CD163L1: variants seen among roughly 807,000 people sequenced by gnomAD.
CD163L1 encodes the protein scavenger receptor cysteine-rich type 1 protein M160.
Under a neutral mutation model 165.4 loss-of-function variants are expected in CD163L1, and 124 were observed. The ratio of observed to expected loss-of-function variants is 0.75; its 90% CI spans 0.65 to 0.87. The LOEUF is 0.87. CD163L1 is among the 40% of genes least tolerant of loss of function. The pLI is 0.00. For missense variants in CD163L1, 1,525 were observed against 1,799.9 expected, an observed-to-expected ratio of 0.85 and a Z score of 2.76; for synonymous variants, 585 against 662.2, an observed-to-expected ratio of 0.88 and a Z score of 1.79.
chr12:7,395,905 T>A (rs1350245144), intron 8 of CD163L1, among the ~76,000 whole-genome samples, 190 bp downstream of exon 8: 1 of 152,252 alleles, frequency 6.6e-6, no homozygotes, highest in Non-Finnish European at 1.5e-5. Context: ...AAAATGAAGT[T>A]TCATTTCTTG....
At position 7,398,459 on chromosome 12, in the gene CD163L1, C is replaced by T. The variant is rs371949687; in HGVS notation, c.1534G>A (p.Val512Ile). 130 of 1,613,950 alleles carry T rather than the reference C, an allele frequency of 8.1e-5. No individual in the cohort carries two copies. Among genetic ancestry groups the T allele is most frequent in the Non-Finnish European group, 1.0e-4 (118 of 1,179,962 alleles). ...HDRWSTRNAAVVCKQLGCGKP... is the reference protein window; with the variant it reads ...HDRWSTRNAAIVCKQLGCGKP... ...CCACATCCCAATTGTTTACAAACAA[C>T]AGCTGCATTCCTTGTGCTCCATCTG... Residue 512 changes from valine (V) to isoleucine (I), a missense_variant, in exon 7 of 20, where the codon GTT (valine) becomes ATT (isoleucine). By Grantham distance (29) the Val-to-Ile change is conservative (BLOSUM62 3). Coordinates refer to ENST00000313599, the MANE Select transcript of CD163L1 (RefSeq NM_174941.6). The surrounding 1 kb of genome is among the most constrained non-coding windows in gnomAD (Gnocchi z 4.5).
At position 7,441,211 on chromosome 12, in the gene CD163L1, A is replaced by G; in HGVS notation, c.67T>C (p.Ser23Pro). The G allele has an allele frequency of 1.2e-6, 2 of 1,614,160 alleles. No homozygotes were observed. The highest frequency in any genetic ancestry group is 1.6e-4 in the Middle Eastern group (1 of 6,062). The change falls in exon 2 of 20, where the codon TCT becomes CCT. Residue 23 changes from serine to proline, a missense_variant. Coordinates refer to ENST00000313599, the MANE Select transcript of CD163L1 (RefSeq NM_174941.6). Reference sequence around the variant, plus strand: ...AGCAGGATGCAAGTTACCACAGCAGAGAAAAGGTTCTGATGACAGCAGCAT... The same window carrying G: ...AGCAGGATGCAAGTTACCACAGCAGGGAAAAGGTTCTGATGACAGCAGCAT... ...GRCCCHQNLF[S>P]AVVTCILLLN...
At chr12:7,416,364 G>C (rs1240969498) in intron 4 of CD163L1, among the ~76,000 whole-genome samples, 1 of 152,132 alleles carries the variant, frequency 6.6e-6, no homozygotes, top group Non-Finnish European at 1.5e-5. Context: ...TCATTTTGTA[G>C]GTTGACTATT....
rs1453564788 is a variant in CD163L1 at position 7,368,836 on chromosome 12, C to G, written c.4072+97G>C. 7.4e-7 allele frequency: 1 copy of G among 1,348,384 alleles called. No homozygotes were observed. Among genetic ancestry groups the G allele is most frequent in the Non-Finnish European group, 1.1e-6 (1 of 942,616 alleles). 83.5% of individuals were successfully genotyped at this position (1,348,384 alleles called of 1,614,324 possible). A position where few individuals can be genotyped will look rare whatever the true frequency, so the allele number is the denominator to read the frequency against. On this transcript the variant is annotated intron_variant, in intron 16 of 19. Coordinates refer to ENST00000313599, the MANE Select transcript of CD163L1 (RefSeq NM_174941.6). The surrounding 1 kb of genome is among the most constrained non-coding windows in gnomAD (Gnocchi z 4.3). ...CCACAGACTCATATTTCTGCAGTCC[C>G]CAGTCTTCTTTGATTATCATAGCAG... is the stretch of plus-strand genomic sequence containing the variant.
intron 8 of CD163L1, among the ~76,000 whole-genome samples, chr12:7,381,838 C>T (rs1947414809): frequency 6.6e-6 from 1 of 151,792 alleles, no homozygotes; most frequent in Admixed American, 6.6e-5. Flanking sequence ...AAACATATTT[C>T]ACTGCTTTGT....
At chr12:7,402,572 T>C (rs1250997810) in intron 6 of CD163L1, among the ~76,000 whole-genome samples, 2 of 152,062 alleles carry the variant, frequency 1.3e-5, no homozygotes, top group African/African-American at 4.8e-5. Flanking sequence ...TCTCTAGATA[T>C]TCCTTTTTTT....
At chr12:7,331,687 C>A in the CD163L1 span, among the ~76,000 whole-genome samples, 1 of 152,234 alleles carries the variant, frequency 6.6e-6, no homozygotes, top group South Asian at 2.1e-4. Context: ...TGGAATGGAC[C>A]TCCAGCAAAT....
chr12:7,415,070 G>T (rs1948210266), intron 4 of CD163L1, among the ~76,000 whole-genome samples: 1 of 152,126 alleles, frequency 6.6e-6, no homozygotes, highest in Admixed American at 6.6e-5. Context: ...TAATGATGAT[G>T]TGTAAACAAC....
intron 17 of CD163L1, chr12:7,367,618 G>A (rs949553677): frequency 1.9e-5 from 5 of 261,504 alleles, no homozygotes; most frequent in African/African-American, 8.8e-5. Context: ...TTAACCTGAT[G>A]AGGTAAGACT....
intron 4 of CD163L1, among the ~76,000 whole-genome samples, chr12:7,423,967 G>A (rs977917650): frequency 6.6e-6 from 1 of 151,966 alleles, no homozygotes; most frequent in Non-Finnish European, 1.5e-5. Flanking sequence ...GACTCCTCCC[G>A]AACTCAATTT....
chr12:7,410,682 T>G (rs1948121538), intron 4 of CD163L1, among the ~76,000 whole-genome samples: 1 of 138,306 alleles, frequency 7.2e-6, no homozygotes, highest in African/African-American at 2.7e-5. Flanking sequence ...ATACAAAAAT[T>G]AGCTGGGCAT....
Position 7,374,772 on chromosome 12 carries a change from C to T in CD163L1, c.3095-16G>A. 1 of 1,613,698 alleles carries T rather than the reference C, an allele frequency of 6.2e-7. No homozygotes were observed. Among genetic ancestry groups the T allele is most frequent in the Non-Finnish European group, 8.5e-7 (1 of 1,179,718 alleles). The stretch of plus-strand genomic sequence containing the variant: ...CGTTTGTCCTCTTAGAGGAGAAAGT[C>T]CAGTTAATAGGTCACATTCTTTAGA... On this transcript the variant is annotated splice_polypyrimidine_tract_variant and intron_variant, in intron 12 of 19. Coordinates refer to ENST00000313599, the MANE Select transcript of CD163L1 (RefSeq NM_174941.6). The surrounding 1 kb of genome is among the most constrained non-coding windows in gnomAD (Gnocchi z 5.4).
At chr12:7,322,285 G>A in the CD163L1 span, 1 of 1,231,338 alleles carries the variant, frequency 8.1e-7, no homozygotes, top group Non-Finnish European at 1.2e-6. Flanking sequence ...TGTTCAACAA[G>A]TATTTGTTGA....
the CD163L1 span, among the ~76,000 whole-genome samples, chr12:7,321,355 T>TATA: frequency 6.6e-6 from 1 of 152,344 alleles, no homozygotes; most frequent in South Asian, 2.1e-4. Flanking sequence ...TTGCAATGTA[T>TATA]ATTTGTTTAA....
At chr12:7,415,201 A>C (rs936469717) in intron 4 of CD163L1, among the ~76,000 whole-genome samples, 7 of 152,144 alleles carry the variant, frequency 4.6e-5, no homozygotes, top group African/African-American at 1.7e-4. Context: ...ATAAAATAAA[A>C]TATAACAGAT....
chr12:7,435,774 A>G (rs1381407184), intron 2 of CD163L1, among the ~76,000 whole-genome samples: 2 of 152,176 alleles, frequency 1.3e-5, no homozygotes, highest in Non-Finnish European at 2.9e-5. Flanking sequence ...TGACAATAGT[A>G]ATGAAAAATC....
In CD163L1 at chr12:7,368,311, T is replaced by C. The variant is rs1359374311; in HGVS notation, c.4073-114A>G. 1.4e-5 allele frequency: 8 copies of C among 590,480 alleles called. No individual in the cohort carries two copies. Among genetic ancestry groups the C allele is most frequent in the Non-Finnish European group, 2.4e-5 (8 of 330,614 alleles). The allele number at this position is 590,480 out of a possible 1,614,324, so 36.6% of individuals were successfully genotyped here. A position where few individuals can be genotyped will look rare whatever the true frequency, so the allele number is the denominator to read the frequency against. ...GCTGAGAAGAATAATGGCTATACAT[T>C]TCAACATATTCATGAACAGTACGTA... On this transcript the variant is annotated intron_variant, in intron 16 of 19. Coordinates refer to ENST00000313599, the MANE Select transcript of CD163L1 (RefSeq NM_174941.6). The surrounding 1 kb of genome is among the most constrained non-coding windows in gnomAD (Gnocchi z 4.3).
Position 7,373,500 on chromosome 12 carries a change from G to C in CD163L1, c.3550C>G (p.Leu1184Val), listed in dbSNP as rs746496144. 20 of 1,614,086 alleles carry C rather than the reference G, an allele frequency of 1.2e-5. No homozygotes were observed. The highest frequency in any genetic ancestry group is 2.7e-5 in the African/African-American group (2 of 74,928). The change falls in exon 14 of 20, where the codon CTG becomes GTG. Residue 1184 changes from leucine (L) to valine (V), a missense_variant. Leu to Val is a conservative substitution (Grantham distance 32, BLOSUM62 1). Coordinates refer to ENST00000313599, the MANE Select transcript of CD163L1 (RefSeq NM_174941.6). ...TAIAGIVCRQ[L>V]GCGENGVVSL... ...ACAACTCCATTCTCCCCACAGCCCA[G>C]CTGCCTGCACACAATGCCTGCTATG...
In CD163L1 at chr12:7,385,930, A is replaced by T. The variant is rs75837735; in HGVS notation, c.2051-6632T>A. Among the ~76,000 whole-genome samples the T allele has an allele frequency of 3.6e-3, 546 of 152,212 alleles. 27 individuals carry two copies. In the East Asian group the frequency reaches 0.071, roughly 20 times the overall value. On this transcript the variant is annotated intron_variant, in intron 8 of 19. Coordinates refer to ENST00000313599, the MANE Select transcript of CD163L1 (RefSeq NM_174941.6). ...TTTCAAATAAACAATCTAATGATGT[A>T]TCACAACACACTAGAAAAGCAAGAC... is the stretch of plus-strand genomic sequence containing the variant.
Sources: allele counts gnomAD v4.1 joint callset (sites outside exome capture counted in the v4.1 genomes callset), GRCh38; gene constraint gnomAD v4.1.1; non-coding constraint Gnocchi (gnomAD v3.1); transcripts MANE v1.5; gene names NCBI Gene and HGNC (gene_info 2026-07-23, HGNC 2026-07-21).